SEMA3D: variants seen among roughly 807,000 people sequenced by gnomAD.
SEMA3D encodes the protein semaphorin 3D.
In SEMA3D, 84 loss-of-function variants were observed where a neutral mutation model predicts 100.1. The observed-to-expected ratio is 0.84, with a 90% CI of 0.70 to 1.01. The LOEUF is 1.01. SEMA3D is among the 50% of genes least tolerant of loss of function. The pLI is 0.00. For synonymous variants in SEMA3D, 312 were observed against 320.7 expected (o/e 0.97, Z 0.29); for missense variants, 875 against 934.1 (o/e 0.94, Z 0.82).
chr7:85,012,547 T>A (rs1260422895), intron 17 of SEMA3D, among the ~76,000 whole-genome samples: 1 of 151,784 alleles, frequency 6.6e-6, no homozygotes, highest in Non-Finnish European at 1.5e-5. Context: ...AAAGCTACAG[T>A]TTAGGAATTT....
chr7:85,164,879 G>T (rs980213588), intron 1 of SEMA3D, among the ~76,000 whole-genome samples: 3 of 152,210 alleles, frequency 2.0e-5, no homozygotes. Flanking sequence ...CAGGCACTTA[G>T]AGATATAAAA....
intron 9 of SEMA3D, among the ~76,000 whole-genome samples, chr7:85,045,131 T>C (rs1790971877): frequency 6.6e-6 from 1 of 151,990 alleles, no homozygotes; most frequent in South Asian, 2.1e-4. Context: ...CCAAACTACA[T>C]ATGTAGAGAT....
At chr7:85,164,993 C>G (rs1051538026) in intron 1 of SEMA3D, among the ~76,000 whole-genome samples, 1 of 84,580 alleles carries the variant, frequency 1.2e-5, no homozygotes, top group Admixed American at 1.1e-4. Context: ...TATCCCTCCC[C>G]CTTCCCCCCA....
the SEMA3D span, among the ~76,000 whole-genome samples, chr7:85,247,143 T>C: frequency 6.6e-6 from 1 of 152,056 alleles, no homozygotes; most frequent in Non-Finnish European, 1.5e-5. Context: ...AGTTACATCC[T>C]GCCTATATTG....
intron 18 of SEMA3D, among the ~76,000 whole-genome samples, chr7:85,002,900 G>C (rs547952243): frequency 1.3e-4 from 20 of 152,212 alleles, no homozygotes; most frequent in Admixed American, 1.2e-3. Flanking sequence ...TATAATAGCA[G>C]CCTAATAGTA....
intron 1 of SEMA3D, among the ~76,000 whole-genome samples, chr7:85,159,032 C>T (rs990119089): frequency 1.3e-5 from 2 of 152,122 alleles, no homozygotes; most frequent in African/African-American, 2.4e-5. Flanking sequence ...ACTCTCTTTA[C>T]CATCACCTCA....
chr7:85,183,914 G>A (rs972572430), intron 1 of SEMA3D, among the ~76,000 whole-genome samples: 3 of 152,038 alleles, frequency 2.0e-5, no homozygotes, highest in African/African-American at 7.2e-5. Flanking sequence ...GTAGACTGAG[G>A]AAAACCTAAC....
chr7:85,073,151 C>T, intron 5 of SEMA3D, 70 bp from the exon 6 acceptor site: 1 of 1,393,370 alleles, frequency 7.2e-7, no homozygotes, highest in South Asian at 1.2e-5. Flanking sequence ...TTTATGCCAC[C>T]TGTTTTCCAA....
At chr7:85,137,203 CAAAT>C (rs979637343) in intron 2 of SEMA3D, among the ~76,000 whole-genome samples, 19 of 151,172 alleles carry the variant, frequency 1.3e-4, no homozygotes, top group African/African-American at 4.6e-4. Flanking sequence ...TTATTTTTAT[CAAAT>C]AGAGAAGTAA....
chr7:85,213,922 T>C, the SEMA3D span, among the ~76,000 whole-genome samples: 2 of 152,140 alleles, frequency 1.3e-5, no homozygotes, highest in Non-Finnish European at 2.9e-5. Flanking sequence ...ATGGGCTATA[T>C]AAAAAAGTAC....
At chr7:85,024,117 A>C (rs890158385) in intron 12 of SEMA3D, among the ~76,000 whole-genome samples, 14 of 152,070 alleles carry the variant, frequency 9.2e-5, no homozygotes, top group Admixed American at 8.5e-4. Context: ...TCAACTCAAT[A>C]ATGGAAGAAC....
intron 1 of SEMA3D, among the ~76,000 whole-genome samples, chr7:85,181,355 C>CACACAT (rs1562847484): frequency 8.0e-6 from 1 of 124,226 alleles, no homozygotes; most frequent in African/African-American, 2.8e-5. Context: ...CACACACACA[C>CACACAT]ACACACATGC....
At chr7:85,162,032 T>C (rs1040179535) in intron 1 of SEMA3D, among the ~76,000 whole-genome samples, 4 of 152,138 alleles carry the variant, frequency 2.6e-5, no homozygotes, top group African/African-American at 7.2e-5. Context: ...AGAGTCAATA[T>C]AATAATAATC....
chr7:85,223,079 C>T, the SEMA3D span, among the ~76,000 whole-genome samples: 2 of 151,924 alleles, frequency 1.3e-5, no homozygotes, highest in African/African-American at 2.4e-5. Flanking sequence ...CACTAATTGT[C>T]AGAGAAACGC....
Position 85,132,413 on chromosome 7 carries a change from A to T in SEMA3D, c.-40-10482T>A, listed in dbSNP as rs577339768. Among the ~76,000 whole-genome samples, 12 of 152,022 alleles carry T rather than the reference A, an allele frequency of 7.9e-5. No individual in the cohort carries two copies. The East Asian group carries it at 2.3e-3, about 29-fold the overall frequency. ...TTAATAACATTTTAAACCATTTCAG[A>T]TCTTGAACATGCCAGTATTATTTGT... On this transcript the variant is annotated intron_variant, in intron 2 of 18. Transcript: ENST00000284136.
chr7:85,163,037 G>T, intron 1 of SEMA3D: 1 of 904,434 alleles, frequency 1.1e-6, no homozygotes. Context: ...TGTGAAGTAA[G>T]AATATAAAAG....
intron 8 of SEMA3D, among the ~76,000 whole-genome samples, chr7:85,057,839 G>C (rs578154343): frequency 3.3e-5 from 5 of 152,252 alleles, no homozygotes; most frequent in African/African-American, 1.2e-4. Context: ...GCTGAGGCAC[G>C]AGAATCCCTT....
At chr7:85,140,866 A>G in intron 2 of SEMA3D, 1 of 787,682 alleles carries the variant, frequency 1.3e-6, no homozygotes. Context: ...AATGGTAGGT[A>G]TACAAAAAGA....
At chr7:85,104,506 G>T (rs747790697) in intron 3 of SEMA3D, among the ~76,000 whole-genome samples, 3 of 151,918 alleles carry the variant, frequency 2.0e-5, no homozygotes, top group Non-Finnish European at 4.4e-5. Context: ...ATAATTCTTT[G>T]TATCTCCCTT....
Sources: allele counts gnomAD v4.1 joint callset (sites outside exome capture counted in the v4.1 genomes callset), GRCh38; gene constraint gnomAD v4.1.1; transcripts MANE v1.5; gene names NCBI Gene and HGNC (gene_info 2026-07-23, HGNC 2026-07-21).